The following PLCG2 variants were observed in gnomAD, a reference collection of about 807,000 sequenced individuals.
The protein encoded by PLCG2 is phospholipase C gamma 2.
PLCG2 carries 69 observed loss-of-function variants against 175.6 expected under a neutral mutation model. The ratio of observed to expected loss-of-function variants is 0.39; its 90% CI spans 0.32 to 0.48. The LOEUF (loss-of-function observed/expected upper bound fraction) is 0.48. Among genes scored for constraint, PLCG2 ranks in the 20% least tolerant of loss-of-function variants. The pLI is 0.91. For synonymous variants in PLCG2, 827 were observed against 624.0 expected (o/e 1.33, Z -4.85); for missense variants, 1,798 against 1,650.9 (o/e 1.09, Z -1.54).
In PLCG2 at chr16:81,859,776, T is replaced by C. The variant is rs1482233546; in HGVS notation, c.479+613T>C. On this transcript the variant is annotated intron_variant, in intron 5 of 32. Coordinates refer to ENST00000564138, the MANE Select transcript of PLCG2 (RefSeq NM_002661.5). ...TGGTCTTGAACTCCTGACCTTGTGATCCGCCCACCTTGGCCTCCCAAAGTC... is the reference window on the plus strand; with the variant it reads ...TGGTCTTGAACTCCTGACCTTGTGACCCGCCCACCTTGGCCTCCCAAAGTC... Among the ~76,000 whole-genome samples the C allele has an allele frequency of 5.9e-5, 9 of 152,238 alleles. No homozygotes were observed. The South Asian group carries it at 1.7e-3, about 28-fold the overall frequency.
chr16:81,867,190 C>T (rs3935876), intron 5 of PLCG2, among the ~76,000 whole-genome samples: 67,253 of 152,070 alleles, frequency 0.44, 16,240 homozygotes, highest in Non-Finnish European at 0.53. Flanking sequence ...GGCAGTGACG[C>T]GCTACTTCCT....
At chr16:81,896,413 CACACACACACACAA>C (rs1182638501) in intron 13 of PLCG2, among the ~76,000 whole-genome samples, 3 of 78,660 alleles carry the variant, frequency 3.8e-5, no homozygotes, top group African/African-American at 4.2e-5. Flanking sequence ...CACACACACA[CACACACACACACAA>C]ATCATCTGGG....
At chr16:81,776,612 T>G (rs1208168716), upstream of PLCG2, among the ~76,000 whole-genome samples, 1 of 152,192 alleles carries the variant, frequency 6.6e-6, no homozygotes, top group Non-Finnish European at 1.5e-5. Flanking sequence ...TGGAGTGCAG[T>G]GGCACCATCT....
At chr16:81,867,749 G>T (rs1907314212) in intron 5 of PLCG2, among the ~76,000 whole-genome samples, 1 of 151,892 alleles carries the variant, frequency 6.6e-6, no homozygotes. Context: ...CCAGGCTGGA[G>T]TGCAGTGGCG....
At chr16:81,801,946 G>A (rs546336250) in intron 2 of PLCG2, among the ~76,000 whole-genome samples, 1 of 151,964 alleles carries the variant, frequency 6.6e-6, no homozygotes, top group Non-Finnish European at 1.5e-5. Flanking sequence ...CTCCCAAAGT[G>A]TTGGGATTAC....
chr16:81,948,006 G>A (rs1267754246), intron 31 of PLCG2, among the ~76,000 whole-genome samples: 1 of 152,146 alleles, frequency 6.6e-6, no homozygotes, highest in Non-Finnish European at 1.5e-5. Flanking sequence ...AGCCATTGAT[G>A]CCTGTTTCAT....
At chr16:81,927,463 T>C (rs1910323808) in intron 23 of PLCG2, among the ~76,000 whole-genome samples, 1 of 152,164 alleles carries the variant, frequency 6.6e-6, no homozygotes, top group African/African-American at 2.4e-5. Context: ...AAATGGGGAA[T>C]TTGTCCTTTG....
At chr16:81,767,565 T>A (rs561407553) in intron 2 of PLCG2, 11 of 152,344 alleles carry the variant, frequency 7.2e-5, no homozygotes, top group African/African-American at 2.6e-4. Flanking sequence ...ACTTGTATTG[T>A]AATAAAATCT....
At chr16:81,773,326 T>C (rs1339611061) in intron 2 of PLCG2, among the ~76,000 whole-genome samples, 2 of 152,182 alleles carry the variant, frequency 1.3e-5, no homozygotes, top group East Asian at 1.9e-4. Context: ...CTTCCAGCAA[T>C]GTGAGATCAT....
At chr16:81,811,804 C>G (rs1241336467) in intron 2 of PLCG2, among the ~76,000 whole-genome samples, 1 of 152,114 alleles carries the variant, frequency 6.6e-6, no homozygotes, top group Non-Finnish European at 1.5e-5. Flanking sequence ...TGTCTTTGCT[C>G]TTGTGAATAG....
intron 2 of PLCG2, among the ~76,000 whole-genome samples, chr16:81,829,481 G>C (rs988959095): frequency 6.6e-6 from 1 of 152,238 alleles, no homozygotes; most frequent in Non-Finnish European, 1.5e-5. Context: ...GCCTCCCGAA[G>C]TGTTGGGATT....
At chr16:81,756,791 T>G (rs531369657) in intron 2 of PLCG2, among the ~76,000 whole-genome samples, 1 of 152,352 alleles carries the variant, frequency 6.6e-6, no homozygotes, top group African/African-American at 2.4e-5. Context: ...TAGATGTGTC[T>G]ACTGCACAGC....
chr16:81,787,694 C>T (rs1263283927), intron 2 of PLCG2, among the ~76,000 whole-genome samples: 4 of 152,114 alleles, frequency 2.6e-5, no homozygotes, highest in Non-Finnish European at 4.4e-5. Flanking sequence ...TATATCACCT[C>T]AAGATGAAAC....
intron 17 of PLCG2, among the ~76,000 whole-genome samples, chr16:81,908,987 T>G (rs56274468): frequency 0.046 from 6,979 of 152,238 alleles, 216 homozygotes; most frequent in Non-Finnish European, 0.068. Flanking sequence ...CTCTGTCTCC[T>G]CCATAAAACG....
intron 2 of PLCG2, among the ~76,000 whole-genome samples, chr16:81,765,495 A>G (rs1402156179): frequency 6.6e-6 from 1 of 152,110 alleles, no homozygotes; most frequent in Non-Finnish European, 1.5e-5. Flanking sequence ...GCTGGGCGTC[A>G]TGATGGGCAC....
At chr16:81,877,471 A>G (rs1907855658) in intron 7 of PLCG2, among the ~76,000 whole-genome samples, 1 of 152,230 alleles carries the variant, frequency 6.6e-6, no homozygotes, top group South Asian at 2.1e-4. Context: ...ACAAAACAAC[A>G]AAACACAGAA....
chr16:81,822,709 C>T (rs901654567), intron 2 of PLCG2, among the ~76,000 whole-genome samples: 9 of 119,376 alleles, frequency 7.5e-5, no homozygotes, highest in African/African-American at 1.6e-4. Flanking sequence ...GTGAGTGAAC[C>T]GAGTTCATGC....
chr16:81,746,529 G>C (rs931680160), intron 1 of PLCG2, among the ~76,000 whole-genome samples: 3 of 152,204 alleles, frequency 2.0e-5, no homozygotes, highest in Non-Finnish European at 4.4e-5. Context: ...TCACCCCAGC[G>C]CCGGGAGGGG....
At chr16:81,957,121 A>G (rs2143782039) in intron 32 of PLCG2, among the ~76,000 whole-genome samples, 1 of 152,088 alleles carries the variant, frequency 6.6e-6, no homozygotes, top group African/African-American at 2.4e-5. Context: ...CAACATGGAG[A>G]AACCCTGTCT....
Sources: allele counts gnomAD v4.1 joint callset (sites outside exome capture counted in the v4.1 genomes callset), GRCh38; gene constraint gnomAD v4.1.1; transcripts MANE v1.5; gene names NCBI Gene and HGNC (gene_info 2026-07-23, HGNC 2026-07-21).